The following DLC1 variants were observed in gnomAD, a reference collection of about 807,000 sequenced individuals.
The protein encoded by DLC1 is rho GTPase-activating protein 7.
A neutral mutation model predicts 140.3 loss-of-function variants in DLC1; 54 were observed. The observed-to-expected ratio is 0.38, with a 90% CI of 0.31 to 0.48. DLC1 has a LOEUF of 0.48. Ranked by LOEUF, DLC1 falls within the 20% of genes least tolerant of loss-of-function variation. The pLI, the probability that DLC1 is intolerant of heterozygous loss-of-function variation, is 0.96. For synonymous variants in DLC1, 986 were observed against 728.1 expected (o/e 1.35, Z -5.70); for missense variants, 2,536 against 1,907.0 (o/e 1.33, Z -6.14).
intron 2 of DLC1, among the ~76,000 whole-genome samples, chr8:13,490,745 A>G (rs1237869126): frequency 6.6e-6 from 1 of 152,136 alleles, no homozygotes; most frequent in Non-Finnish European, 1.5e-5. Context: ...GTAACCATTC[A>G]TTATTTAAAA....
chr8:13,228,731 A>G (rs1271517537), intron 5 of DLC1, among the ~76,000 whole-genome samples: 3 of 152,200 alleles, frequency 2.0e-5, no homozygotes, highest in African/African-American at 7.2e-5. Context: ...GCAACAGAGC[A>G]AGAGCGAGAC....
At chr8:13,309,454 A>G (rs151179302) in intron 4 of DLC1, among the ~76,000 whole-genome samples, 10 of 152,306 alleles carry the variant, frequency 6.6e-5, no homozygotes, top group Non-Finnish European at 1.3e-4. Context: ...AAGTTGGCCA[A>G]TTAAGGTGTT....
intron 4 of DLC1, among the ~76,000 whole-genome samples, chr8:13,317,972 C>T (rs1832923328): frequency 6.6e-6 from 1 of 152,144 alleles, no homozygotes; most frequent in Non-Finnish European, 1.5e-5. Flanking sequence ...CTATGCCAGG[C>T]AGTTTTCTAA....
chr8:13,552,353 T>A (rs1486867568), intron 1 of DLC1, among the ~76,000 whole-genome samples: 1 of 150,300 alleles, frequency 6.7e-6, no homozygotes, highest in African/African-American at 2.4e-5. Context: ...TGGTTAATAA[T>A]GAAAATTGGA....
At chr8:13,547,667 T>C (rs762703392) in intron 1 of DLC1, among the ~76,000 whole-genome samples, 5 of 151,988 alleles carry the variant, frequency 3.3e-5, no homozygotes, top group Non-Finnish European at 5.9e-5. Context: ...GGTTAGAAAA[T>C]ACAACATCAT....
intron 4 of DLC1, among the ~76,000 whole-genome samples, chr8:13,329,444 A>G (rs1833498932): frequency 6.6e-6 from 1 of 152,158 alleles, no homozygotes; most frequent in Admixed American, 6.5e-5. Context: ...GAATCTAGTC[A>G]TCCCCAGACT....
Position 13,141,196 on chromosome 8 carries a change from G to A in DLC1, c.1349-25539C>T, listed in dbSNP as rs142035341. Among the ~76,000 whole-genome samples, 491 of 145,560 alleles carry A rather than the reference G, an allele frequency of 3.4e-3. 3 individuals carry two copies. Among genetic ancestry groups the A allele is most frequent in the African/African-American group, 0.012 (469 of 39,530 alleles). ...CTTGAATCTGGGAGGTGGAGTTTGC[G>A]GTGAGCCGAGATTGCGCCATTGCAC... On this transcript the variant is annotated intron_variant, in intron 5 of 17. Transcript: ENST00000276297.
intron 5 of DLC1, among the ~76,000 whole-genome samples, chr8:13,154,466 C>T (rs1032929437): frequency 2.6e-5 from 4 of 152,212 alleles, no homozygotes; most frequent in Non-Finnish European, 4.4e-5. Context: ...TGCCCAGGGC[C>T]GGCGGTGCCG....
intron 7 of DLC1, among the ~76,000 whole-genome samples, chr8:13,105,405 T>C (rs1819478951): frequency 6.6e-6 from 1 of 152,136 alleles, no homozygotes; most frequent in Non-Finnish European, 1.5e-5. Flanking sequence ...GGCCAGGCAC[T>C]ATGCTAGGCA....
chr8:13,435,746 G>A (rs958318639), intron 2 of DLC1, among the ~76,000 whole-genome samples: 1 of 152,222 alleles, frequency 6.6e-6, no homozygotes, highest in African/African-American at 2.4e-5. Flanking sequence ...GTTGACAAAG[G>A]AGTGGGAGAA....
intron 2 of DLC1, among the ~76,000 whole-genome samples, chr8:13,483,412 A>G (rs1394839704): frequency 6.6e-6 from 1 of 152,226 alleles, no homozygotes; most frequent in African/African-American, 2.4e-5. Flanking sequence ...GTTCCAATCC[A>G]GTGTGACAGG....
At position 13,348,573 on chromosome 8, in the gene DLC1, A is replaced by G. The variant is rs376145242; in HGVS notation, c.1315-43271T>C. Among the ~76,000 whole-genome samples the G allele has an allele frequency of 2.6e-5, 4 of 152,308 alleles. No individual in the cohort carries two copies. In the East Asian group the frequency reaches 5.8e-4, roughly 22 times the overall value. Reference sequence around the variant, plus strand: ...AGATGATGAACACTTTTTGACGACCATCTTTAGAATATTAATAGGAATGGA... The same window carrying G: ...AGATGATGAACACTTTTTGACGACCGTCTTTAGAATATTAATAGGAATGGA... On this transcript the variant is annotated intron_variant, in intron 4 of 17. Transcript: ENST00000276297.
chr8:13,140,934 T>C (rs1347437981), intron 5 of DLC1, among the ~76,000 whole-genome samples: 1 of 152,166 alleles, frequency 6.6e-6, no homozygotes. Flanking sequence ...CACATATAGA[T>C]GCCTTGCTTA....
At chr8:13,288,730 G>A (rs1831637295) in intron 5 of DLC1, among the ~76,000 whole-genome samples, 1 of 152,190 alleles carries the variant, frequency 6.6e-6, no homozygotes, top group African/African-American at 2.4e-5. Context: ...AACGTCACTA[G>A]TTCCTGCCCC....
intron 2 of DLC1, among the ~76,000 whole-genome samples, chr8:13,478,813 C>T (rs575082540): frequency 6.6e-6 from 1 of 152,286 alleles, no homozygotes; most frequent in Admixed American, 6.5e-5. Flanking sequence ...ATTTTTAATA[C>T]ATAACTTTGC....
intron 5 of DLC1, among the ~76,000 whole-genome samples, chr8:13,115,908 C>T (rs1321119333): frequency 6.6e-6 from 1 of 152,134 alleles, no homozygotes; most frequent in Non-Finnish European, 1.5e-5. Context: ...GAGTAAGTTT[C>T]TCATTTTGTG....
chr8:13,357,715 C>A (rs1403547389), intron 4 of DLC1, among the ~76,000 whole-genome samples: 6 of 152,140 alleles, frequency 3.9e-5, no homozygotes, highest in Non-Finnish European at 7.3e-5. Flanking sequence ...GGTTTTCTTC[C>A]TTGAGAATTA....
chr8:13,314,797 A>G (rs1170739476), intron 4 of DLC1, among the ~76,000 whole-genome samples: 2 of 152,126 alleles, frequency 1.3e-5, no homozygotes, highest in African/African-American at 2.4e-5. Flanking sequence ...AATCTTGTTC[A>G]CTGAACTGGA....
At chr8:13,246,658 CTT>C (rs570540726) in intron 5 of DLC1, among the ~76,000 whole-genome samples, 24 of 146,126 alleles carry the variant, frequency 1.6e-4, no homozygotes, top group African/African-American at 6.0e-4. Context: ...ACGACAAATG[CTT>C]TTTTTTTTTT....
Sources: allele counts gnomAD v4.1 joint callset (sites outside exome capture counted in the v4.1 genomes callset), GRCh38; gene constraint gnomAD v4.1.1; transcripts MANE v1.5; gene names NCBI Gene and HGNC (gene_info 2026-07-23, HGNC 2026-07-21).